Variants in DCC observed in about 807,000 individuals in gnomAD.
The protein encoded by DCC is netrin receptor DCC.
In DCC, 58 loss-of-function variants were observed where a neutral mutation model predicts 172.5. The ratio of observed to expected loss-of-function variants is 0.34; its 90% CI spans 0.27 to 0.42. The LOEUF (loss-of-function observed/expected upper bound fraction) is 0.42, where lower values mean the gene tolerates loss of function less well. Among genes scored for constraint, DCC ranks in the 10% least tolerant of loss-of-function variants. The probability of loss-of-function intolerance (pLI) is 1.00; values close to 1 mark genes in which losing one functional copy is unlikely to be tolerated. For synonymous variants in DCC, 709 were observed against 644.5 expected (o/e 1.10, Z -1.52); for missense variants, 1,740 against 1,791.0 (o/e 0.97, Z 0.51).
In DCC at chr18:52,853,929, T is replaced by C. The variant is rs1407131677; in HGVS notation, c.413-52115T>C. On this transcript the variant is annotated intron_variant, in intron 2 of 28. Coordinates refer to ENST00000442544, the MANE Select transcript of DCC (RefSeq NM_005215.4). ...GGAGAGGCAGGAGTCATAGTTGATA[T>C]TCAAAGCACTACCAGCAAAGAATTT... 3.3e-5 allele frequency among the ~76,000 whole-genome samples: 5 copies of C among 152,342 alleles called. No homozygotes were observed. In the East Asian group the frequency reaches 7.7e-4, roughly 24 times the overall value.
chr18:53,194,402 C>A (rs1043519551), intron 9 of DCC, among the ~76,000 whole-genome samples: 1 of 151,596 alleles, frequency 6.6e-6, no homozygotes, highest in Non-Finnish European at 1.5e-5. Context: ...ATCATCCTGG[C>A]TTTTCTATCA....
chr18:52,376,447 T>C (rs868245332), intron 1 of DCC, among the ~76,000 whole-genome samples: 15 of 152,050 alleles, frequency 9.9e-5, no homozygotes, highest in Admixed American at 2.0e-4. Flanking sequence ...ATAGAAAGAA[T>C]AGACTTGAAT....
chr18:52,629,823 A>G (rs934502476), intron 1 of DCC, among the ~76,000 whole-genome samples: 1 of 151,774 alleles, frequency 6.6e-6, no homozygotes, highest in Non-Finnish European at 1.5e-5. Flanking sequence ...GCTGGCGGGT[A>G]CCTGTAGTCC....
chr18:52,570,448 C>T (rs1160987351), intron 1 of DCC, among the ~76,000 whole-genome samples: 1 of 152,122 alleles, frequency 6.6e-6, no homozygotes, highest in African/African-American at 2.4e-5. Flanking sequence ...TAATGTTAAA[C>T]AAGCTTTAAA....
chr18:53,473,699 C>T (rs1363748816), intron 25 of DCC, among the ~76,000 whole-genome samples: 1 of 152,214 alleles, frequency 6.6e-6, no homozygotes, highest in Non-Finnish European at 1.5e-5. Flanking sequence ...GCTTAAGCAA[C>T]TTCCTCTAGG....
chr18:52,920,534 T>A (rs7505239), intron 3 of DCC, among the ~76,000 whole-genome samples: 58,523 of 149,986 alleles, frequency 0.39, 11,877 homozygotes, highest in Non-Finnish European at 0.47. Flanking sequence ...ACAAAAAAAA[T>A]AATGGCAATA....
chr18:53,184,460 T>C (rs1043628426), intron 9 of DCC, among the ~76,000 whole-genome samples: 9 of 152,096 alleles, frequency 5.9e-5, no homozygotes, highest in African/African-American at 1.9e-4. Flanking sequence ...CTAGGCTCTA[T>C]GGTATAGTCT....
At chr18:52,587,976 A>G (rs2033715026) in intron 1 of DCC, among the ~76,000 whole-genome samples, 1 of 152,170 alleles carries the variant, frequency 6.6e-6, no homozygotes, top group East Asian at 1.9e-4. Context: ...TGTATATACT[A>G]CATCCATTTG....
intron 1 of DCC, among the ~76,000 whole-genome samples, chr18:52,664,595 C>T (rs542561812): frequency 3.2e-4 from 48 of 151,100 alleles, no homozygotes; most frequent in African/African-American, 1.1e-3. Flanking sequence ...CTCAGCCTCC[C>T]GAGTAGCTGG....
intron 2 of DCC, among the ~76,000 whole-genome samples, chr18:52,888,318 G>A (rs566752557): frequency 6.6e-6 from 1 of 152,276 alleles, no homozygotes; most frequent in Non-Finnish European, 1.5e-5. Context: ...GGACAAAACA[G>A]TATGTGGTCT....
chr18:53,495,009 A>G (rs2046002787), intron 26 of DCC, among the ~76,000 whole-genome samples: 1 of 152,054 alleles, frequency 6.6e-6, no homozygotes, highest in Non-Finnish European at 1.5e-5. Context: ...GGTGACAAAA[A>G]TCTCTCAGCA....
intron 1 of DCC, among the ~76,000 whole-genome samples, chr18:52,540,810 G>T (rs1296195012): frequency 1.3e-5 from 2 of 151,830 alleles, no homozygotes; most frequent in Non-Finnish European, 2.9e-5. Context: ...GTTTCACTGT[G>T]TTAGTCAGGA....
chr18:52,658,198 G>A (rs2035290623), intron 1 of DCC, among the ~76,000 whole-genome samples: 1 of 152,150 alleles, frequency 6.6e-6, no homozygotes, highest in Non-Finnish European at 1.5e-5. Flanking sequence ...GGTGAGGTGG[G>A]GAGTGTTAAT....
At chr18:52,414,193 G>C (rs1986937808) in intron 1 of DCC, among the ~76,000 whole-genome samples, 1 of 152,202 alleles carries the variant, frequency 6.6e-6, no homozygotes, top group Admixed American at 6.5e-5. Flanking sequence ...TGATTCTCCT[G>C]CCTCAGCCCC....
chr18:52,406,814 A>G (rs1986670078), intron 1 of DCC, among the ~76,000 whole-genome samples: 1 of 152,088 alleles, frequency 6.6e-6, no homozygotes, highest in Non-Finnish European at 1.5e-5. Flanking sequence ...CCAGTGTAGC[A>G]ATCTATGTAG....
intron 5 of DCC, among the ~76,000 whole-genome samples, chr18:52,944,313 A>G (rs1311129966): frequency 1.3e-5 from 2 of 152,190 alleles, no homozygotes; most frequent in African/African-American, 2.4e-5. Flanking sequence ...TATACTTTGT[A>G]GGAAATGATA....
chr18:52,459,456 T>TTTTCTTTCTTTCTTTC (rs113006148), intron 1 of DCC, among the ~76,000 whole-genome samples: 6,730 of 151,092 alleles, frequency 0.045, 209 homozygotes, highest in Non-Finnish European at 0.064. Flanking sequence ...CAGTATTTGG[T>TTTTCTTTCTTTCTTTC]TTTCTTTCTT....
At position 52,390,252 on chromosome 18, in the gene DCC, C is replaced by A. The variant is rs16954832; in HGVS notation, c.91+49374C>A. On this transcript the variant is annotated intron_variant, in intron 1 of 28. Transcript: ENST00000442544. ...CTTTCCCCATTTCTCAGTAATGAAA[C>A]AGTGACTGCATATCCCTTTGGAGGT... Among the ~76,000 whole-genome samples, 539 of 152,194 alleles carry A rather than the reference C, an allele frequency of 3.5e-3. 6 individuals carry two copies. The highest frequency in any genetic ancestry group is 0.012 in the African/African-American group (510 of 41,542).
intron 1 of DCC, among the ~76,000 whole-genome samples, chr18:52,589,692 C>A (rs889086218): frequency 2.6e-5 from 4 of 152,102 alleles, no homozygotes; most frequent in Non-Finnish European, 4.4e-5. Flanking sequence ...CCATATAAGC[C>A]TTTTTCTGTT....
Sources: allele counts gnomAD v4.1 joint callset (sites outside exome capture counted in the v4.1 genomes callset), GRCh38; gene constraint gnomAD v4.1.1; transcripts MANE v1.5; gene names NCBI Gene and HGNC (gene_info 2026-07-23, HGNC 2026-07-21).